Variants in SMURF1 observed in about 807,000 individuals in gnomAD.
SMURF1 encodes the protein SMAD specific E3 ubiquitin protein ligase 1, also known as E3 ubiquitin-protein ligase SMURF1.
Under a neutral mutation model 98.0 loss-of-function variants are expected in SMURF1, and 44 were observed. The ratio of observed to expected loss-of-function variants is 0.45; its 90% CI spans 0.35 to 0.58. The LOEUF (loss-of-function observed/expected upper bound fraction) is 0.58. SMURF1 is among the 20% of genes least tolerant of loss of function. The probability of loss-of-function intolerance (pLI) is 0.00; values close to 1 mark genes in which losing one functional copy is unlikely to be tolerated. For missense variants in SMURF1, 687 were observed against 938.4 expected (o/e 0.73, Z 3.50); for synonymous variants, 396 against 374.9 (o/e 1.06, Z -0.65).
rs938945425 is a variant in SMURF1 at position 99,035,285 on chromosome 7, G to T, written c.2011+230C>A. 1.4e-5 allele frequency: 8 copies of T among 572,904 alleles called. No individual in the cohort carries two copies. In the Admixed American group the frequency reaches 2.5e-4, roughly 18 times the overall value. 35.5% of individuals were successfully genotyped at this position (572,904 alleles called of 1,614,324 possible). ...GAAGCAGTGAGGAGGGGGAATCCAG[G>T]TGCCCTGGAGTGGCTCCACAGTCTT... is the stretch of plus-strand genomic sequence containing the variant. On this transcript the variant is annotated intron_variant, in intron 16 of 17. Transcript: ENST00000361368.
At chr7:99,092,421 C>A (rs963496292) in intron 1 of SMURF1, among the ~76,000 whole-genome samples, 1 of 152,314 alleles carries the variant, frequency 6.6e-6, no homozygotes, top group South Asian at 2.1e-4. Flanking sequence ...AATCAATACT[C>A]GTGGCACCTC....
At chr7:99,118,977 C>T (rs1223388901) in intron 1 of SMURF1, among the ~76,000 whole-genome samples, 1 of 140,690 alleles carries the variant, frequency 7.1e-6, no homozygotes, top group African/African-American at 2.6e-5. Flanking sequence ...CGTCCCATCT[C>T]AGCCTCCTGA....
intron 12 of SMURF1, among the ~76,000 whole-genome samples, chr7:99,041,183 C>T (rs1251930309): frequency 1.3e-5 from 2 of 152,204 alleles, no homozygotes; most frequent in Non-Finnish European, 2.9e-5. Flanking sequence ...AGGCAGATCA[C>T]CTGAGGTCAG....
intron 1 of SMURF1, among the ~76,000 whole-genome samples, chr7:99,138,763 A>G (rs1798051063): frequency 6.6e-6 from 1 of 152,268 alleles, no homozygotes; most frequent in Admixed American, 6.5e-5. Flanking sequence ...AAGTTGTTCT[A>G]AAAGGCAACA....
chr7:99,046,947 G>GC (rs1795602060), intron 10 of SMURF1, among the ~76,000 whole-genome samples: 1 of 152,256 alleles, frequency 6.6e-6, no homozygotes, highest in East Asian at 1.9e-4. Context: ...AGCTCCCTCG[G>GC]CCCCCCAGTG....
rs1287929418 is a variant in SMURF1, at chr7:99,046,751, A to C, written c.1152+933T>G. Among the ~76,000 whole-genome samples the C allele has an allele frequency of 3.3e-5, 5 of 151,746 alleles. No individual in the cohort carries two copies. In the East Asian group the frequency reaches 7.8e-4, roughly 24 times the overall value. ...CGTCTCAAAAAAAAAAAAAAAAAAA[A>C]AAACCCAAACAAATAAACTCTGGCA... On this transcript the variant is annotated intron_variant, in intron 10 of 17. Transcript: ENST00000361368.
intron 13 of SMURF1, 42 bp downstream of exon 13, chr7:99,040,336 G>A: frequency 1.4e-6 from 2 of 1,422,618 alleles, no homozygotes; most frequent in Non-Finnish European, 1.9e-6. Context: ...AGACGTGGTG[G>A]TGGGCCCTAA....
chr7:99,140,781 A>G (rs1215322789), intron 1 of SMURF1, among the ~76,000 whole-genome samples: 2 of 147,950 alleles, frequency 1.4e-5, no homozygotes, highest in Non-Finnish European at 3.0e-5. Context: ...AATATCCCTC[A>G]TTTTTAACAG....
chr7:99,066,720 A>G (rs755352691), intron 1 of SMURF1, among the ~76,000 whole-genome samples: 5 of 151,644 alleles, frequency 3.3e-5, no homozygotes, highest in Non-Finnish European at 5.9e-5. Context: ...TCGAGACTGC[A>G]GTGAGCTATG....
intron 1 of SMURF1, among the ~76,000 whole-genome samples, chr7:99,140,414 G>C (rs571134072): frequency 2.9e-4 from 44 of 149,586 alleles, no homozygotes; most frequent in African/African-American, 1.1e-3. Flanking sequence ...AGCCTACCCA[G>C]TAGCTGGGAC....
intron 1 of SMURF1, among the ~76,000 whole-genome samples, chr7:99,088,257 C>CA (rs537503861): frequency 0.051 from 6,696 of 131,112 alleles, 412 homozygotes; most frequent in African/African-American, 0.15. Flanking sequence ...GACTCTGTCT[C>CA]AAAAAAAAAA....
chr7:99,079,212 C>T (rs1247427500), intron 1 of SMURF1, among the ~76,000 whole-genome samples: 1 of 152,228 alleles, frequency 6.6e-6, no homozygotes, highest in Non-Finnish European at 1.5e-5. Context: ...ATCCTCATTG[C>T]TTGGCCATGC....
At chr7:99,033,481 T>C (rs1277549898) in intron 16 of SMURF1, among the ~76,000 whole-genome samples, 1 of 152,150 alleles carries the variant, frequency 6.6e-6, no homozygotes, top group East Asian at 1.9e-4. Context: ...ATTGTTGTAT[T>C]TTTAGTAGAG....
chr7:99,056,322 T>A (rs1373466470), intron 5 of SMURF1, among the ~76,000 whole-genome samples: 1 of 151,968 alleles, frequency 6.6e-6, no homozygotes, highest in African/African-American at 2.4e-5. Context: ...TCCAAGTCAA[T>A]ATCTGAGTTA....
chr7:99,050,729 C>T (rs1795726443), intron 8 of SMURF1: 6 of 545,952 alleles, frequency 1.1e-5, no homozygotes, highest in Non-Finnish European at 2.0e-5. Context: ...CTGAGTCATA[C>T]ATTAAACATA....
At chr7:99,033,249 G>A in intron 16 of SMURF1, 128 bp from the exon 17 acceptor site, 1 of 828,100 alleles carries the variant, frequency 1.2e-6, no homozygotes, top group Non-Finnish European at 1.9e-6. Context: ...TGTCCTGTGA[G>A]AGGGCCATGA....
At chr7:99,094,074 C>T (rs1796889427) in intron 1 of SMURF1, among the ~76,000 whole-genome samples, 1 of 152,032 alleles carries the variant, frequency 6.6e-6, no homozygotes, top group Non-Finnish European at 1.5e-5. Context: ...TATATATGGT[C>T]AAAATTAAAG....
chr7:99,088,180 C>T (rs1796725442), intron 1 of SMURF1, among the ~76,000 whole-genome samples: 1 of 151,648 alleles, frequency 6.6e-6, no homozygotes, highest in African/African-American at 2.4e-5. Flanking sequence ...ATCACTTGAA[C>T]TTCTTAGGTG....
intron 1 of SMURF1, 27 bp from the exon 2 acceptor site, chr7:99,061,864 T>G (rs1796041742): frequency 6.4e-7 from 1 of 1,563,750 alleles, no homozygotes; most frequent in East Asian, 2.3e-5. Context: ...ATTACTCAGG[T>G]TAGCATTAAA....
Sources: gnomAD v4.1 joint callset for allele counts (sites outside exome capture counted in the v4.1 genomes callset) on GRCh38, gnomAD v4.1.1 for gene constraint, MANE v1.5 for transcripts, NCBI Gene and HGNC (gene_info 2026-07-23, HGNC 2026-07-21) for gene names.